The following THSD7B variants were observed in gnomAD, a reference collection of about 807,000 sequenced individuals.
THSD7B encodes thrombospondin type 1 domain containing 7B.
A neutral mutation model predicts 213.6 loss-of-function variants in THSD7B; 138 were observed. The ratio of observed to expected loss-of-function variants is 0.65; its 90% confidence interval spans 0.56 to 0.74. The LOEUF (loss-of-function observed/expected upper bound fraction) is 0.74. THSD7B is among the 30% of genes least tolerant of loss of function. The pLI is 0.00. For synonymous variants in THSD7B, 742 were observed against 687.0 expected (o/e 1.08, Z -1.25); for missense variants, 1,931 against 1,991.5 (o/e 0.97, Z 0.58).
chr2:137,461,746 A>G (rs185573581), intron 15 of THSD7B, among the ~76,000 whole-genome samples: 26 of 152,244 alleles, frequency 1.7e-4, no homozygotes, highest in Non-Finnish European at 2.8e-4. Context: ...CCCCTCCCCA[A>G]TAACACTTTT....
intron 2 of THSD7B, among the ~76,000 whole-genome samples, chr2:136,954,492 G>A (rs888737707): frequency 1.5e-4 from 23 of 151,942 alleles, no homozygotes; most frequent in South Asian, 1.0e-3. Flanking sequence ...CGAGGCGGGC[G>A]GATCTTGAGG....
At chr2:136,910,535 A>G (rs1480730068) in intron 2 of THSD7B, among the ~76,000 whole-genome samples, 5 of 152,222 alleles carry the variant, frequency 3.3e-5, no homozygotes, top group East Asian at 1.9e-4. Context: ...TTGTACAGAT[A>G]TAACTTAAGT....
At chr2:136,988,881 A>G (rs752574974) in intron 2 of THSD7B, among the ~76,000 whole-genome samples, 53 of 152,252 alleles carry the variant, frequency 3.5e-4, no homozygotes, top group Non-Finnish European at 6.8e-4. Context: ...ATAAGGATGC[A>G]GGAATGAATC....
intron 14 of THSD7B, among the ~76,000 whole-genome samples, chr2:137,415,741 C>G (rs1328040905): frequency 2.9e-5 from 4 of 135,948 alleles, no homozygotes; most frequent in Non-Finnish European, 3.1e-5. Flanking sequence ...TGAGCTTTAT[C>G]TCTCCCTGGC....
chr2:137,586,306 C>A (rs897194795), intron 17 of THSD7B, among the ~76,000 whole-genome samples: 21 of 152,104 alleles, frequency 1.4e-4, no homozygotes, highest in African/African-American at 5.1e-4. Context: ...CAGTCTGTGT[C>A]TTTTAACTGG....
chr2:136,841,172 C>T (rs1457637765), intron 1 of THSD7B, among the ~76,000 whole-genome samples: 1 of 152,142 alleles, frequency 6.6e-6, no homozygotes, highest in Non-Finnish European at 1.5e-5. Flanking sequence ...CAAAGTTTTA[C>T]AGTGGGAAAT....
chr2:136,841,718 G>A (rs923991647), intron 1 of THSD7B, among the ~76,000 whole-genome samples: 1 of 152,094 alleles, frequency 6.6e-6, no homozygotes, highest in African/African-American at 2.4e-5. Context: ...TTATTTTGCT[G>A]GGTGAACTTC....
At chr2:137,142,636 C>A (rs536321999) in intron 5 of THSD7B, among the ~76,000 whole-genome samples, 3 of 152,190 alleles carry the variant, frequency 2.0e-5, no homozygotes, top group Admixed American at 6.6e-5. Context: ...TATCTTTTCT[C>A]ACTTAATATT....
At chr2:136,883,008 C>A (rs1382561336) in intron 2 of THSD7B, among the ~76,000 whole-genome samples, 1 of 152,144 alleles carries the variant, frequency 6.6e-6, no homozygotes, top group Non-Finnish European at 1.5e-5. Context: ...CCCTAAACAT[C>A]TTAGCTCTTT....
intron 12 of THSD7B, among the ~76,000 whole-genome samples, chr2:137,393,108 CT>C (rs1351979195): frequency 6.7e-6 from 1 of 148,976 alleles, no homozygotes; most frequent in African/African-American, 2.5e-5. Flanking sequence ...CTTGATCTTA[CT>C]AGGTAAAAAT....
chr2:137,515,248 G>A (rs1372832970), intron 15 of THSD7B, among the ~76,000 whole-genome samples: 1 of 152,124 alleles, frequency 6.6e-6, no homozygotes, highest in Non-Finnish European at 1.5e-5. Context: ...TTTGCCAGAA[G>A]AAACAGCTTC....
At chr2:137,204,482 A>G (rs892881) in intron 7 of THSD7B, among the ~76,000 whole-genome samples, 90,392 of 151,864 alleles carry the variant, frequency 0.6, 27,279 homozygotes, top group South Asian at 0.71. Context: ...GTTCAGTTGT[A>G]TTAAGTGTGA....
At chr2:137,527,055 T>G (rs575006592) in intron 15 of THSD7B, among the ~76,000 whole-genome samples, 1 of 152,242 alleles carries the variant, frequency 6.6e-6, no homozygotes. Flanking sequence ...AGATATGAAT[T>G]GCTGGAAGGA....
At chr2:137,427,704 C>G (rs1441941173) in intron 14 of THSD7B, among the ~76,000 whole-genome samples, 1 of 152,012 alleles carries the variant, frequency 6.6e-6, no homozygotes, top group Non-Finnish European at 1.5e-5. Flanking sequence ...GAATGCTGAT[C>G]AAAGCGTACA....
At chr2:137,564,311 TACTC>T (rs1377883304) in intron 16 of THSD7B, among the ~76,000 whole-genome samples, 1 of 152,172 alleles carries the variant, frequency 6.6e-6, no homozygotes, top group Non-Finnish European at 1.5e-5. Flanking sequence ...AATCAGTACA[TACTC>T]ACTATTTATG....
chr2:137,347,210 A>G (rs1374510841), intron 12 of THSD7B, among the ~76,000 whole-genome samples: 1 of 151,762 alleles, frequency 6.6e-6, no homozygotes, highest in Non-Finnish European at 1.5e-5. Context: ...TTGACAATGT[A>G]AAACTACAGG....
intron 1 of THSD7B, among the ~76,000 whole-genome samples, chr2:136,778,782 G>C (rs1316635805): frequency 6.6e-6 from 1 of 152,084 alleles, no homozygotes; most frequent in Non-Finnish European, 1.5e-5. Flanking sequence ...GAAATGTTAG[G>C]TCAGTCTTTT....
intron 2 of THSD7B, among the ~76,000 whole-genome samples, chr2:136,955,658 A>C (rs1346326963): frequency 6.6e-6 from 1 of 152,162 alleles, no homozygotes; most frequent in Admixed American, 6.5e-5. Context: ...AATTTCTTAG[A>C]ACGTTGCATC....
At chr2:136,807,656 G>A (rs536907683) in intron 1 of THSD7B, among the ~76,000 whole-genome samples, 12 of 151,932 alleles carry the variant, frequency 7.9e-5, no homozygotes, top group Admixed American at 3.9e-4. Context: ...ACAGGCGCCC[G>A]CCACCAGGCC....
Sources: gnomAD v4.1 joint callset for allele counts (sites outside exome capture counted in the v4.1 genomes callset) on GRCh38, gnomAD v4.1.1 for gene constraint, MANE v1.5 for transcripts, NCBI Gene and HGNC (gene_info 2026-07-23, HGNC 2026-07-21) for gene names.